The following MEGF9 variants were observed in gnomAD, a reference collection of about 807,000 sequenced individuals.
MEGF9 encodes multiple EGF like domains 9, also known as multiple epidermal growth factor-like domains protein 9.
A neutral mutation model predicts 46.8 loss-of-function variants in MEGF9; 6 were observed. That is an observed-to-expected ratio of 0.13 (90% confidence interval 0.07 to 0.25). The LOEUF (loss-of-function observed/expected upper bound fraction) is 0.25, where lower values mean the gene tolerates loss of function less well. MEGF9 is among the 10% of genes least tolerant of loss of function. MEGF9 has a pLI of 1.00. For synonymous variants in MEGF9, 302 were observed against 330.7 expected, an observed-to-expected ratio of 0.91 and a Z score of 0.94; for missense variants, 683 against 792.4, an observed-to-expected ratio of 0.86 and a Z score of 1.66.
chr9:120,702,215 T>G (rs773958889), intron 1 of MEGF9, among the ~76,000 whole-genome samples: 13 of 152,200 alleles, frequency 8.5e-5, no homozygotes, highest in Non-Finnish European at 1.9e-4. Flanking sequence ...TTTGTCAGTC[T>G]GCATGAATAG....
intron 2 of MEGF9, among the ~76,000 whole-genome samples, chr9:120,629,063 C>A (rs1489348414): frequency 1.3e-5 from 2 of 152,140 alleles, no homozygotes; most frequent in Non-Finnish European, 2.9e-5. Context: ...GCAGCCTCAA[C>A]CTCCCTGGCT....
Position 120,604,957 on chromosome 9 carries a change from G to T in MEGF9, c.*233C>A, listed in dbSNP as rs1227565248. 1 of 539,442 alleles carries T rather than the reference G, an allele frequency of 1.9e-6. No individual in the cohort carries two copies. The highest frequency in any genetic ancestry group is 3.2e-5 in the East Asian group (1 of 31,686). The allele number at this position is 539,442 out of a possible 1,614,324, so 33.4% of individuals were successfully genotyped here. Reference sequence around the variant, plus strand: ...CCTTTCCATACTCCCATGTGGTTTGGTACAAAAATATACTTTACTTCAAGT... The same window carrying T: ...CCTTTCCATACTCCCATGTGGTTTGTTACAAAAATATACTTTACTTCAAGT... On this transcript the variant is annotated 3_prime_UTR_variant, in exon 6 of 6. Coordinates refer to ENST00000373930, the MANE Select transcript of MEGF9 (RefSeq NM_001080497.3).
At chr9:120,636,042 C>T (rs1212834199) in intron 2 of MEGF9, among the ~76,000 whole-genome samples, 1 of 152,132 alleles carries the variant, frequency 6.6e-6, no homozygotes, top group Admixed American at 6.5e-5. Flanking sequence ...TCAAGCGATT[C>T]TCTTGCCTCA....
At chr9:120,641,132 A>G (rs76459013) in intron 2 of MEGF9, among the ~76,000 whole-genome samples, 2,422 of 152,242 alleles carry the variant, frequency 0.016, 63 homozygotes, top group African/African-American at 0.055. Flanking sequence ...GATTAATTCC[A>G]TGTCTTTGCT....
intron 1 of MEGF9, among the ~76,000 whole-genome samples, chr9:120,662,317 G>C (rs2043706149): frequency 6.6e-6 from 1 of 152,084 alleles, no homozygotes; most frequent in African/African-American, 2.4e-5. Flanking sequence ...TGTACATCTT[G>C]GAATGCTCTT....
chr9:120,710,424 TAAAA>T (rs61674473), intron 1 of MEGF9, among the ~76,000 whole-genome samples: 1 of 100,006 alleles, frequency 1.0e-5, no homozygotes, highest in Non-Finnish European at 1.9e-5. Context: ...AACTCCGTCT[TAAAA>T]AAAAAAAAAA....
In MEGF9 at chr9:120,605,623, G is replaced by T; in HGVS notation, c.1376C>A (p.Pro459His). 1 of 1,564,288 alleles carries T rather than the reference G, an allele frequency of 6.4e-7. No homozygotes were observed. The highest frequency in any genetic ancestry group is 2.3e-5 in the East Asian group (1 of 43,272). Reference protein sequence around the residue: ...CIKKEVILPTPEGSTILVSNA... With the variant: ...CIKKEVILPTHEGSTILVSNA... Reference sequence around the variant, plus strand: ...GGAAACCAAAATGGTAGAACCTTCAGGTGTTGGAAGAATAACTTCTGAAAA... The same window carrying T: ...GGAAACCAAAATGGTAGAACCTTCATGTGTTGGAAGAATAACTTCTGAAAA... Residue 459 changes from proline (P) to histidine (H), a missense_variant, in exon 6 of 6, where the codon CCT becomes CAT. Physicochemically the swap from Pro to His is moderately conservative, Grantham distance 77. This residue lies in a region of MEGF9 where 313 missense variants were observed against 421.1 expected (regional missense o/e 0.74). Transcript: ENST00000373930. The surrounding 1 kb of genome is among the most constrained non-coding windows in gnomAD (Gnocchi z 4.0).
chr9:120,703,042 T>C (rs1028348661), intron 1 of MEGF9, among the ~76,000 whole-genome samples: 1 of 152,226 alleles, frequency 6.6e-6, no homozygotes, highest in African/African-American at 2.4e-5. Context: ...TCCATTGTTG[T>C]TCTTCCTTTA....
At chr9:120,673,535 A>G (rs780693352) in intron 1 of MEGF9, among the ~76,000 whole-genome samples, 3 of 152,190 alleles carry the variant, frequency 2.0e-5, no homozygotes, top group Non-Finnish European at 4.4e-5. Context: ...AATATCTAAC[A>G]AATTTAATTT....
chr9:120,648,286 T>G (rs1453528294), intron 2 of MEGF9, among the ~76,000 whole-genome samples: 1 of 151,652 alleles, frequency 6.6e-6, no homozygotes, highest in Non-Finnish European at 1.5e-5. Context: ...TGTTCATTCA[T>G]CAAGTATTTA....
At chr9:120,686,635 G>C (rs142779164) in intron 1 of MEGF9, among the ~76,000 whole-genome samples, 15 of 152,322 alleles carry the variant, frequency 9.8e-5, no homozygotes, top group African/African-American at 3.4e-4. Context: ...TTAGAGATCT[G>C]ATTATCTGCT....
At chr9:120,637,790 CA>C (rs34861368) in intron 2 of MEGF9, among the ~76,000 whole-genome samples, 673 of 34,680 alleles carry the variant, frequency 0.019, no homozygotes, top group South Asian at 0.026. Flanking sequence ...GACTCTGTCT[CA>C]AAAAAAAAAA....
intron 2 of MEGF9, among the ~76,000 whole-genome samples, chr9:120,630,536 T>C (rs555987982): frequency 6.6e-6 from 1 of 152,310 alleles, no homozygotes; most frequent in Admixed American, 6.5e-5. Flanking sequence ...AGTAGAGGGA[T>C]TGTTGGATCA....
At chr9:120,639,746 C>T (rs924593977) in intron 2 of MEGF9, among the ~76,000 whole-genome samples, 1 of 151,678 alleles carries the variant, frequency 6.6e-6, no homozygotes, top group East Asian at 1.9e-4. Context: ...CTAAGTGTTG[C>T]TATTATTTTA....
intron 1 of MEGF9, among the ~76,000 whole-genome samples, chr9:120,708,109 G>C (rs1166633019): frequency 6.6e-6 from 1 of 152,006 alleles, no homozygotes; most frequent in Non-Finnish European, 1.5e-5. Flanking sequence ...TGTAATCCTA[G>C]CACTTTGGGA....
intron 2 of MEGF9, among the ~76,000 whole-genome samples, chr9:120,646,450 C>T (rs921156842): frequency 1.3e-5 from 2 of 152,166 alleles, no homozygotes; most frequent in African/African-American, 4.8e-5. Flanking sequence ...GTAAGCCCAT[C>T]TCTGAGATGT....
At chr9:120,631,910 C>T (rs2043552310) in intron 2 of MEGF9, among the ~76,000 whole-genome samples, 1 of 152,022 alleles carries the variant, frequency 6.6e-6, no homozygotes, top group African/African-American at 2.4e-5. Context: ...TCTCCTTCCT[C>T]ACCTTCTCCT....
chr9:120,610,979 T>C (rs1383936695), intron 4 of MEGF9, among the ~76,000 whole-genome samples: 2 of 152,168 alleles, frequency 1.3e-5, no homozygotes, highest in East Asian at 1.9e-4. Flanking sequence ...TCTCTAAATA[T>C]ATGAATGAAC....
At chr9:120,700,143 G>C (rs2043897561) in intron 1 of MEGF9, among the ~76,000 whole-genome samples, 1 of 152,146 alleles carries the variant, frequency 6.6e-6, no homozygotes, top group East Asian at 1.9e-4. Flanking sequence ...AACCTTTGGT[G>C]ACTGGAAGTT....
Sources: allele counts gnomAD v4.1 joint callset (sites outside exome capture counted in the v4.1 genomes callset), GRCh38; gene constraint gnomAD v4.1.1; regional missense constraint gnomAD v4.1.1; non-coding constraint Gnocchi (gnomAD v3.1); transcripts MANE v1.5; gene names NCBI Gene and HGNC (gene_info 2026-07-23, HGNC 2026-07-21).